TENM2: variants seen among roughly 807,000 people sequenced by gnomAD.
The protein encoded by TENM2 is teneurin transmembrane protein 2.
In TENM2, 52 loss-of-function variants were observed where a neutral mutation model predicts 245.2. The ratio of observed to expected loss-of-function variants is 0.21; its 90% CI spans 0.17 to 0.27. TENM2 has a LOEUF of 0.27. Among genes scored for constraint, TENM2 ranks in the 10% least tolerant of loss-of-function variants. The pLI, the probability that TENM2 is intolerant of heterozygous loss-of-function variation, is 1.00. For missense variants in TENM2, 3,046 were observed against 3,666.8 expected, an observed-to-expected ratio of 0.83 and a Z score of 4.37; for synonymous variants, 1,363 against 1,438.9, an observed-to-expected ratio of 0.95 and a Z score of 1.19.
chr5:167,488,715 G>A (rs976240774), intron 2 of TENM2, among the ~76,000 whole-genome samples: 37 of 149,712 alleles, frequency 2.5e-4, no homozygotes, highest in African/African-American at 9.1e-4. Context: ...CTATTTTTAT[G>A]AGACTCAACT....
chr5:167,583,434 G>T (rs1200496386), intron 2 of TENM2, among the ~76,000 whole-genome samples: 3 of 149,128 alleles, frequency 2.0e-5, no homozygotes, highest in Non-Finnish European at 3.0e-5. Flanking sequence ...GGAGGTGATA[G>T]GGGCCTGTGG....
At chr5:168,194,256 A>G (rs1761194094) in intron 14 of TENM2, among the ~76,000 whole-genome samples, 1 of 152,142 alleles carries the variant, frequency 6.6e-6, no homozygotes, top group South Asian at 2.1e-4. Flanking sequence ...TCATTGTCCC[A>G]TTTCTCTGTG....
chr5:167,670,988 A>G (rs1301159839), intron 2 of TENM2, among the ~76,000 whole-genome samples: 1 of 152,156 alleles, frequency 6.6e-6, no homozygotes, highest in Non-Finnish European at 1.5e-5. Flanking sequence ...AATTAATTAA[A>G]GGGACTCTTT....
chr5:167,354,031 T>A (rs904722089), intron 1 of TENM2, among the ~76,000 whole-genome samples: 2 of 152,226 alleles, frequency 1.3e-5, no homozygotes, highest in South Asian at 4.1e-4. Flanking sequence ...TCTTGATGAA[T>A]GGAACTACGA....
intron 2 of TENM2, among the ~76,000 whole-genome samples, chr5:167,542,307 G>A (rs1416189726): frequency 6.6e-6 from 1 of 152,152 alleles, no homozygotes; most frequent in African/African-American, 2.4e-5. Context: ...CCTTTCAAGA[G>A]CTTCTCTTGA....
chr5:168,221,469 T>TTG (rs1007968815), intron 23 of TENM2, among the ~76,000 whole-genome samples: 8 of 152,124 alleles, frequency 5.3e-5, no homozygotes, highest in Non-Finnish European at 1.2e-4. Context: ...CACACTAGCG[T>TTG]TGTAAAGCAG....
chr5:167,149,811 T>A, the TENM2 span, among the ~76,000 whole-genome samples: 2 of 152,178 alleles, frequency 1.3e-5, no homozygotes, highest in Non-Finnish European at 2.9e-5. Context: ...ATTATCTTTG[T>A]CCTAATTGCA....
chr5:168,258,106 G>A (rs538958146), intron 27 of TENM2, among the ~76,000 whole-genome samples: 7 of 152,238 alleles, frequency 4.6e-5, no homozygotes, highest in South Asian at 2.1e-4. Context: ...TGCATGACCC[G>A]GCAATTCCAC....
chr5:167,452,598 A>C (rs1765650032), intron 2 of TENM2, among the ~76,000 whole-genome samples: 1 of 152,092 alleles, frequency 6.6e-6, no homozygotes, highest in East Asian at 1.9e-4. Context: ...TGTCTTTCTC[A>C]AAATGGCCTT....
the TENM2 span, among the ~76,000 whole-genome samples, chr5:167,120,327 A>C: frequency 5.9e-5 from 9 of 152,164 alleles, no homozygotes; most frequent in East Asian, 1.9e-4. Context: ...AGCTAAATAA[A>C]AGGCCAAACT....
intron 2 of TENM2, among the ~76,000 whole-genome samples, chr5:167,715,769 T>G (rs1258230127): frequency 6.6e-6 from 1 of 152,204 alleles, no homozygotes; most frequent in East Asian, 1.9e-4. Context: ...ACTTGCCTCT[T>G]TGGATTCTCA....
intron 4 of TENM2, among the ~76,000 whole-genome samples, chr5:167,987,494 C>CT (rs564231550): frequency 8.6e-5 from 13 of 151,896 alleles, no homozygotes; most frequent in Non-Finnish European, 1.8e-4. Flanking sequence ...CACCTGGCTA[C>CT]TTTTTTTGTA....
intron 4 of TENM2, among the ~76,000 whole-genome samples, chr5:167,986,057 G>A (rs1450642206): frequency 6.6e-6 from 1 of 152,048 alleles, no homozygotes; most frequent in Non-Finnish European, 1.5e-5. Context: ...TTTTTTGTTT[G>A]TTAGGTTTCT....
chr5:167,239,544 G>T, the TENM2 span, among the ~76,000 whole-genome samples: 1 of 151,988 alleles, frequency 6.6e-6, no homozygotes, highest in Non-Finnish European at 1.5e-5. Context: ...GTCGGAACTG[G>T]GTACCTATGT....
At chr5:168,089,874 T>C (rs1304633921) in intron 7 of TENM2, among the ~76,000 whole-genome samples, 1 of 152,192 alleles carries the variant, frequency 6.6e-6, no homozygotes, top group African/African-American at 2.4e-5. Flanking sequence ...AAATATTATC[T>C]GAATCCTCAC....
At chr5:168,239,634 G>T (rs567538357) in intron 25 of TENM2, among the ~76,000 whole-genome samples, 13 of 152,162 alleles carry the variant, frequency 8.5e-5, no homozygotes, top group African/African-American at 3.1e-4. Flanking sequence ...ATGAGACCAG[G>T]AATGTTCAGG....
At chr5:168,197,332 A>G (rs1338691407) in intron 15 of TENM2, among the ~76,000 whole-genome samples, 1 of 152,200 alleles carries the variant, frequency 6.6e-6, no homozygotes, top group Non-Finnish European at 1.5e-5. Context: ...CCGAGTTTTT[A>G]CTGTGATCCA....
intron 2 of TENM2, among the ~76,000 whole-genome samples, chr5:167,666,719 A>G (rs956569227): frequency 3.3e-5 from 5 of 152,182 alleles, no homozygotes; most frequent in African/African-American, 1.2e-4. Flanking sequence ...TGAAATATTC[A>G]TTCTTCTGTA....
At chr5:167,504,287 A>G (rs1769400878) in intron 2 of TENM2, among the ~76,000 whole-genome samples, 1 of 152,306 alleles carries the variant, frequency 6.6e-6, no homozygotes, top group East Asian at 1.9e-4. Flanking sequence ...TTACTTATTG[A>G]TATTTAAAGG....
Sources: allele counts gnomAD v4.1 joint callset (sites outside exome capture counted in the v4.1 genomes callset), GRCh38; gene constraint gnomAD v4.1.1; transcripts MANE v1.5; gene names NCBI Gene and HGNC (gene_info 2026-07-23, HGNC 2026-07-21).